ADARB1: variants seen among roughly 807,000 people sequenced by gnomAD.
The protein encoded by ADARB1 is double-stranded RNA-specific editase 1.
In ADARB1, 10 loss-of-function variants were observed where a neutral mutation model predicts 52.4. The observed-to-expected ratio is 0.19, with a 90% CI of 0.12 to 0.32. The LOEUF (loss-of-function observed/expected upper bound fraction) is 0.32. ADARB1 is among the 10% of genes least tolerant of loss of function. The pLI is 1.00. For synonymous variants in ADARB1, 349 were observed against 371.1 expected (o/e 0.94, Z 0.68); for missense variants, 643 against 922.3 (o/e 0.70, Z 3.92).
chr21:45,167,239 TAA>T (rs935958928), intron 2 of ADARB1, among the ~76,000 whole-genome samples: 2 of 152,210 alleles, frequency 1.3e-5, no homozygotes, highest in African/African-American at 4.8e-5. Context: ...TTTTAATATG[TAA>T]GGGCAGGAAA....
chr21:45,220,771 G>A lies in ADARB1; in HGVS notation c.1748-65G>A, dbSNP rs59804232. On this transcript the variant is annotated intron_variant, in intron 9 of 10. Transcript: ENST00000348831. This position sits in a 1 kb window ranked among gnomAD's most constrained non-coding sequence, Gnocchi z 6.3. ...CATGTCTGAGCACAGTGTGCCGCCC[G>A]TGGCTGCTCCCTCCCTGGGGGTGAA... The A allele has an allele frequency of 6.4e-5, 100 of 1,569,594 alleles. 1 individual carries two copies. In the East Asian group the frequency reaches 1.7e-3, roughly 27 times the overall value.
At chr21:45,139,485 T>A (rs1029792452) in intron 2 of ADARB1, among the ~76,000 whole-genome samples, 5 of 152,208 alleles carry the variant, frequency 3.3e-5, no homozygotes, top group African/African-American at 1.2e-4. Context: ...TTTCTCTTTT[T>A]CCCATATTCT....
rs1055787444 is a variant in ADARB1, at chr21:45,208,592, T to G, written c.1747+3856T>G. Among the ~76,000 whole-genome samples, 1 of 151,740 alleles carries G rather than the reference T, an allele frequency of 6.6e-6. No individual in the cohort carries two copies. Among genetic ancestry groups the G allele is most frequent in the Non-Finnish European group, 1.5e-5 (1 of 67,892 alleles). On this transcript the variant is annotated intron_variant, in intron 9 of 10. Coordinates refer to ENST00000348831, the MANE Select transcript of ADARB1 (RefSeq NM_001112.4). The surrounding 1 kb of genome is among the most constrained non-coding windows in gnomAD (Gnocchi z 5.6). ...GAGTGAGAGAGAAGGAACATCACTG[T>G]GAGAGTGTGGAAAGTGTGTGTGTGT...
chr21:45,081,107 A>C (rs2086134060), intron 1 of ADARB1, among the ~76,000 whole-genome samples: 1 of 152,214 alleles, frequency 6.6e-6, no homozygotes, highest in Non-Finnish European at 1.5e-5. Flanking sequence ...TGCAGTGGAG[A>C]GTAGTTCCCA....
chr21:45,193,442 C>T (rs920318829), intron 8 of ADARB1, among the ~76,000 whole-genome samples: 3 of 152,124 alleles, frequency 2.0e-5, no homozygotes, highest in Admixed American at 1.3e-4. Context: ...TCATTCTTAA[C>T]AGGGAAGGAC....
At chr21:45,122,882 A>C (rs780074820) in intron 1 of ADARB1, among the ~76,000 whole-genome samples, 2 of 152,246 alleles carry the variant, frequency 1.3e-5, no homozygotes, top group Non-Finnish European at 2.9e-5. Flanking sequence ...GCCTTTTCGC[A>C]TAATCTCATA....
At chr21:45,179,210 G>A (rs565293350) in intron 4 of ADARB1, among the ~76,000 whole-genome samples, 5 of 152,292 alleles carry the variant, frequency 3.3e-5, no homozygotes, top group Admixed American at 6.5e-5. Context: ...CGCTGCCTGC[G>A]GGTGCATGGA....
chr21:45,201,199 C>T (rs886238112), intron 8 of ADARB1, among the ~76,000 whole-genome samples: 1 of 152,168 alleles, frequency 6.6e-6, no homozygotes, highest in South Asian at 2.1e-4. Flanking sequence ...TTTGCATGGA[C>T]GCTGACTGTG....
intron 2 of ADARB1, among the ~76,000 whole-genome samples, chr21:45,166,064 C>A (rs1398811027): frequency 6.6e-6 from 1 of 152,048 alleles, no homozygotes; most frequent in Non-Finnish European, 1.5e-5. Context: ...AGAAACTATT[C>A]AAGTTCTGAT....
intron 2 of ADARB1, among the ~76,000 whole-genome samples, chr21:45,154,710 G>T (rs535728059): frequency 1.3e-5 from 2 of 152,272 alleles, no homozygotes; most frequent in East Asian, 3.9e-4. Flanking sequence ...CCTCAGATGG[G>T]TTAGCTTAAT....
In ADARB1 at chr21:45,182,568, C is replaced by CTTTT; in HGVS notation, c.1079-7_1079-4dup. 3.9e-6 allele frequency: 5 copies of CTTTT among 1,295,458 alleles called. No homozygotes were observed. The highest frequency in any genetic ancestry group is 4.8e-5 in the Admixed American group (2 of 41,626). The allele number at this position is 1,295,458 out of a possible 1,614,324, so 80.2% of individuals were successfully genotyped here. A position where few individuals can be genotyped will look rare whatever the true frequency, so the allele number is the denominator to read the frequency against. The stretch of plus-strand genomic sequence containing the variant: ...CTGTGAATTACAGAAAATAGTGTCT[C>CTTTT]TTTTTTTTTTTTTCAGGCACAGATG... On this transcript the variant is annotated splice_polypyrimidine_tract_variant and intron_variant, in intron 5 of 10. Transcript: ENST00000348831.
At chr21:45,216,972 A>G (rs1156981898) in intron 9 of ADARB1, among the ~76,000 whole-genome samples, 1 of 151,934 alleles carries the variant, frequency 6.6e-6, no homozygotes, top group Non-Finnish European at 1.5e-5. Context: ...TATTTCTGGT[A>G]ATAGTGTTTG....
intron 2 of ADARB1, among the ~76,000 whole-genome samples, chr21:45,169,343 A>G (rs1321167171): frequency 1.3e-5 from 2 of 152,328 alleles, no homozygotes; most frequent in East Asian, 1.9e-4. Flanking sequence ...GCTGGAATAA[A>G]GCAATTCTTG....
intron 1 of ADARB1, among the ~76,000 whole-genome samples, chr21:45,076,128 T>G (rs994224805): frequency 6.6e-6 from 1 of 152,238 alleles, no homozygotes; most frequent in Non-Finnish European, 1.5e-5. Context: ...TGACCATCTT[T>G]TCCTTGGGGT....
At chr21:45,170,473 A>G (rs1345308993) in intron 2 of ADARB1, among the ~76,000 whole-genome samples, 2 of 152,198 alleles carry the variant, frequency 1.3e-5, no homozygotes, top group African/African-American at 2.4e-5. Context: ...ACTTTGTTGA[A>G]TAAAGGATTC....
At chr21:45,144,548 A>C (rs778719290) in intron 2 of ADARB1, 1 of 400,458 alleles carries the variant, frequency 2.5e-6, no homozygotes, top group Non-Finnish European at 5.0e-6. Context: ...TGATACAGTA[A>C]ATCGTTGCTA....
intron 4 of ADARB1, among the ~76,000 whole-genome samples, chr21:45,177,924 C>T (rs2091767845): frequency 6.6e-6 from 1 of 152,038 alleles, no homozygotes; most frequent in African/African-American, 2.4e-5. Context: ...ATTAACCTCT[C>T]GTCAACATTG....
At chr21:45,099,978 A>T (rs1418676226) in intron 1 of ADARB1, among the ~76,000 whole-genome samples, 1 of 152,244 alleles carries the variant, frequency 6.6e-6, no homozygotes, top group East Asian at 1.9e-4. Context: ...AAGTATTCCA[A>T]ATGTGGATTT....
chr21:45,150,082 G>A (rs1212800174), intron 2 of ADARB1, among the ~76,000 whole-genome samples: 1 of 152,214 alleles, frequency 6.6e-6, no homozygotes, highest in Admixed American at 6.5e-5. Context: ...TCGGGAGTTC[G>A]AGACCAGCCT....
Sources: allele counts gnomAD v4.1 joint callset (sites outside exome capture counted in the v4.1 genomes callset), GRCh38; gene constraint gnomAD v4.1.1; non-coding constraint Gnocchi (gnomAD v3.1); transcripts MANE v1.5; gene names NCBI Gene and HGNC (gene_info 2026-07-23, HGNC 2026-07-21).